MEIS2: variants seen among roughly 807,000 people sequenced by gnomAD.
MEIS2 encodes the protein homeobox protein Meis2.
A neutral mutation model predicts 58.6 loss-of-function variants in MEIS2; 9 were observed. That is an observed-to-expected ratio of 0.15 (90% CI 0.09 to 0.27). The LOEUF (loss-of-function observed/expected upper bound fraction) is 0.27, where lower values mean the gene tolerates loss of function less well. MEIS2 is among the 10% of genes least tolerant of loss of function. The probability of loss-of-function intolerance (pLI) is 1.00; values close to 1 mark genes in which losing one functional copy is unlikely to be tolerated. For missense variants in MEIS2, 427 were observed against 635.0 expected (o/e 0.67, Z 3.52); for synonymous variants, 221 against 228.4 (o/e 0.97, Z 0.29).
At chr15:36,953,567 A>C (rs2058840936) in intron 8 of MEIS2, among the ~76,000 whole-genome samples, 1 of 152,104 alleles carries the variant, frequency 6.6e-6, no homozygotes, top group Non-Finnish European at 1.5e-5. Context: ...CCTGATAGCA[A>C]TGATTAGGAT....
At chr15:37,091,722 T>C (rs1295847151) in intron 6 of MEIS2, among the ~76,000 whole-genome samples, 1 of 152,212 alleles carries the variant, frequency 6.6e-6, no homozygotes, top group African/African-American at 2.4e-5. Context: ...ATCTTTTCTA[T>C]GTAAACATCA....
chr15:37,067,755 T>C (rs1174524755), intron 7 of MEIS2, among the ~76,000 whole-genome samples: 1 of 152,112 alleles, frequency 6.6e-6, no homozygotes, highest in Non-Finnish European at 1.5e-5. Flanking sequence ...ATGTCTGTGT[T>C]ATAAAACAAA....
At chr15:36,980,514 C>T (rs1446984117) in intron 8 of MEIS2, among the ~76,000 whole-genome samples, 1 of 152,076 alleles carries the variant, frequency 6.6e-6, no homozygotes, top group Non-Finnish European at 1.5e-5. Flanking sequence ...TTATAATAAC[C>T]ATCAGATCTT....
rs576701013 is a variant in MEIS2 at position 37,071,309 on chromosome 15, G to A, written c.754+12462C>T. On this transcript the variant is annotated intron_variant, in intron 7 of 11. Coordinates refer to ENST00000561208, the MANE Select transcript of MEIS2 (RefSeq NM_170675.5). ...ATTACTGTAGCACCAGGGGAACCTCGTGTGTCCGAAATGTGTAATCAGACT... is the reference window on the plus strand; with the variant it reads ...ATTACTGTAGCACCAGGGGAACCTCATGTGTCCGAAATGTGTAATCAGACT... 3.9e-5 allele frequency among the ~76,000 whole-genome samples: 6 copies of A among 152,166 alleles called. No individual in the cohort carries two copies. In the East Asian group the frequency reaches 7.7e-4, roughly 20 times the overall value.
At chr15:37,002,190 T>C (rs1428085854) in intron 8 of MEIS2, among the ~76,000 whole-genome samples, 2 of 152,158 alleles carry the variant, frequency 1.3e-5, no homozygotes, top group African/African-American at 2.4e-5. Context: ...TCAGCCTTGA[T>C]GGAAGCAATG....
rs768280388 is a variant in MEIS2 at position 37,013,520 on chromosome 15, C to T, written c.900+23294G>A. On this transcript the variant is annotated intron_variant, in intron 8 of 11. Transcript: ENST00000561208. Reference sequence around the variant, plus strand: ...CCAGGAGGCAGAGATTGCAGTCAGCCGAGGTCACGCCTTTGTACTCCAGCC... The same window carrying T: ...CCAGGAGGCAGAGATTGCAGTCAGCTGAGGTCACGCCTTTGTACTCCAGCC... Among the ~76,000 whole-genome samples, 17 of 150,596 alleles carry T rather than the reference C, an allele frequency of 1.1e-4. No individual in the cohort carries two copies. In the South Asian group the frequency reaches 3.4e-3, roughly 30 times the overall value.
At chr15:36,940,506 T>A (rs1393043678) in intron 9 of MEIS2, among the ~76,000 whole-genome samples, 1 of 152,120 alleles carries the variant, frequency 6.6e-6, no homozygotes, top group Non-Finnish European at 1.5e-5. Context: ...CACATGGCAA[T>A]AATTTAGTGA....
At chr15:37,074,854 C>T (rs114577151) in intron 7 of MEIS2, among the ~76,000 whole-genome samples, 107 of 152,038 alleles carry the variant, frequency 7.0e-4, no homozygotes, top group African/African-American at 2.5e-3. Context: ...GCATAGGTCT[C>T]GACTCATAGT....
chr15:37,073,359 AG>A (rs1210657162), intron 7 of MEIS2, among the ~76,000 whole-genome samples: 5 of 151,794 alleles, frequency 3.3e-5, no homozygotes, highest in African/African-American at 1.2e-4. Context: ...CATGTGTAAG[AG>A]TTACTTGCAC....
chr15:36,907,443 T>C (rs998014715), intron 9 of MEIS2, among the ~76,000 whole-genome samples: 6 of 152,342 alleles, frequency 3.9e-5, no homozygotes, highest in African/African-American at 1.2e-4. Context: ...TGCATGTGAA[T>C]GTCCCCGTGG....
chr15:37,057,011 T>C (rs1465355753), intron 7 of MEIS2, among the ~76,000 whole-genome samples: 1 of 152,192 alleles, frequency 6.6e-6, no homozygotes, highest in Non-Finnish European at 1.5e-5. Context: ...AAATGAGTTG[T>C]ACTAATGACA....
chr15:36,957,085 AT>A (rs1222247610), intron 8 of MEIS2, among the ~76,000 whole-genome samples: 1 of 152,182 alleles, frequency 6.6e-6, no homozygotes, highest in Non-Finnish European at 1.5e-5. Context: ...GATTTTTTAA[AT>A]CATAAAATTT....
chr15:36,938,950 C>T (rs570484232), intron 9 of MEIS2, among the ~76,000 whole-genome samples: 1 of 152,310 alleles, frequency 6.6e-6, no homozygotes, highest in African/African-American at 2.4e-5. Flanking sequence ...GCTGTCCCCG[C>T]TGCAGCTCTG....
At chr15:36,949,546 G>T (rs1427684279) in intron 9 of MEIS2, among the ~76,000 whole-genome samples, 2 of 151,944 alleles carry the variant, frequency 1.3e-5, no homozygotes, top group Non-Finnish European at 2.9e-5. Flanking sequence ...TTTGTATAAG[G>T]CCTGAAATCC....
chr15:37,023,118 T>C (rs781167156), intron 8 of MEIS2, among the ~76,000 whole-genome samples: 1 of 152,230 alleles, frequency 6.6e-6, no homozygotes, highest in African/African-American at 2.4e-5. Context: ...TTCAAATGTA[T>C]GTAATTTAAT....
intron 7 of MEIS2, among the ~76,000 whole-genome samples, chr15:37,046,210 C>T (rs1020350890): frequency 6.6e-6 from 1 of 152,212 alleles, no homozygotes; most frequent in Non-Finnish European, 1.5e-5. Context: ...ACTGTGGCTG[C>T]TGCAGCTCCA....
At chr15:36,892,656 T>A (rs554455440) in intron 11 of MEIS2, among the ~76,000 whole-genome samples, 197 bp from the exon 12 acceptor site, 2 of 152,302 alleles carry the variant, frequency 1.3e-5, no homozygotes, top group East Asian at 3.9e-4. Flanking sequence ...CACAGCAGTA[T>A]AATGCAACAC....
intron 8 of MEIS2, among the ~76,000 whole-genome samples, chr15:37,002,208 A>G (rs2060753386): frequency 1.3e-5 from 2 of 152,098 alleles, no homozygotes; most frequent in Admixed American, 6.5e-5. Flanking sequence ...ATGCCTGCTA[A>G]TCACTGCTTC....
chr15:37,019,525 ACTT>A (rs1028077216), intron 8 of MEIS2, among the ~76,000 whole-genome samples: 1 of 152,204 alleles, frequency 6.6e-6, no homozygotes, highest in African/African-American at 2.4e-5. Flanking sequence ...TGACGACACC[ACTT>A]CTTCAATTAA....
Sources: gnomAD v4.1 joint callset for allele counts (sites outside exome capture counted in the v4.1 genomes callset) on GRCh38, gnomAD v4.1.1 for gene constraint, MANE v1.5 for transcripts, NCBI Gene and HGNC (gene_info 2026-07-23, HGNC 2026-07-21) for gene names.